The following IRX3 variants were observed in gnomAD, a reference collection of about 807,000 sequenced individuals.
The protein encoded by IRX3 is iroquois homeobox 3, also known as iroquois-class homeodomain protein IRX-3.
In IRX3, 20 loss-of-function variants were observed where a neutral mutation model predicts 36.4. The ratio of observed to expected loss-of-function variants is 0.55; its 90% confidence interval spans 0.39 to 0.80. The LOEUF (loss-of-function observed/expected upper bound fraction) is 0.80. Among genes scored for constraint, IRX3 ranks in the 30% least tolerant of loss-of-function variants. The pLI is 0.00. For missense variants in IRX3, 718 were observed against 733.2 expected (o/e 0.98, Z 0.24); for synonymous variants, 404 against 351.6 (o/e 1.15, Z -1.67).
chr16:54,284,560 C>T lies in IRX3; in HGVS notation c.1321G>A (p.Ala441Thr). ...APPHLLGLPG[A>T]AGHPAAAAAF... ...GCGGCGGCAGCCGGGTGGCCCGCGG[C>T]TCCGGGAAGTCCCAGCAGGTGCGGA... Residue 441 changes from alanine (A) to threonine (T), a missense_variant, in exon 2 of 4, where the codon GCC becomes ACC. Physicochemically the swap from Ala to Thr is moderately conservative, Grantham distance 58 (BLOSUM62 0). This residue lies in a region of IRX3 where 468 missense variants were observed against 462.1 expected (regional missense o/e 1.01). Transcript: ENST00000329734. The surrounding 1 kb of genome is among the most constrained non-coding windows in gnomAD (Gnocchi z 4.0). The T allele has an allele frequency of 2.1e-6, 3 of 1,416,984 alleles. No individual in the cohort carries two copies. The South Asian group carries it at 4.6e-5, about 22-fold the overall frequency. The allele number at this position is 1,416,984 out of a possible 1,614,324, so 87.8% of individuals were successfully genotyped here.
At position 54,284,771 on chromosome 16, in the gene IRX3, C is replaced by T. The variant is rs770113994; in HGVS notation, c.1110G>A (p.Gly370=). Residue 370 remains glycine, a synonymous_variant, in exon 2 of 4, where the codon GGG becomes GGA. Coordinates refer to ENST00000329734, the MANE Select transcript of IRX3 (RefSeq NM_024336.3). This position sits in a 1 kb window ranked among gnomAD's most constrained non-coding sequence, Gnocchi z 4.0. ...CGACCGCTGCCCCCGGTGGAGACCC[C>T]CCCGCGCCGGGAGGCGAGCGGCGCG... The part of the protein sequence containing the change: ...DNPRRSPPGA[G]GSPPGAAVAP... 1.2e-5 allele frequency: 18 copies of T among 1,462,618 alleles called. No homozygotes were observed. The highest frequency in any genetic ancestry group is 5.9e-5 in the African/African-American group (4 of 67,336). 90.6% of individuals were successfully genotyped at this position (1,462,618 alleles called of 1,614,324 possible). A position where few individuals can be genotyped will look rare whatever the true frequency, so the allele number is the denominator to read the frequency against.
rs1358913269 is a variant in IRX3 at position 54,284,927 on chromosome 16, G to A, written c.954C>T (p.Ala318=). ...GCGACGGCAGAGACGGCGAGGCCAC[G>A]GCCACTGGTGGTGGCGCTGGAGCCA... ...LSLAPAPPPV[A]VASPSLPSPP... The change falls in exon 2 of 4, where the codon GCC becomes GCT. Residue 318 remains alanine (A), a synonymous_variant. Transcript: ENST00000329734. The surrounding 1 kb of genome is among the most constrained non-coding windows in gnomAD (Gnocchi z 4.0). The A allele has an allele frequency of 3.1e-6, 5 of 1,598,250 alleles. No homozygotes were observed. The highest frequency in any genetic ancestry group is 1.7e-5 in the Admixed American group (1 of 57,486).
At position 54,284,522 on chromosome 16, in the gene IRX3, C is replaced by T. The variant is rs1302203870; in HGVS notation, c.1359G>A (p.Arg453=). ...GHPAAAAAFA[R]PAEPEGGTDR... is the part of the protein sequence containing the mutation. ...CTGTTCCGCCTTCGGGCTCCGCTGGCCGAGCGAAGGCGGCGGCGGCAGCCG... is the reference window on the plus strand; with the variant it reads ...CTGTTCCGCCTTCGGGCTCCGCTGGTCGAGCGAAGGCGGCGGCGGCAGCCG... The change falls in exon 2 of 4, where the codon CGG becomes CGA. Residue 453 remains arginine, a synonymous_variant. Transcript: ENST00000329734. The surrounding 1 kb of genome is among the most constrained non-coding windows in gnomAD (Gnocchi z 4.0). 1 of 1,412,968 alleles carries T rather than the reference C, an allele frequency of 7.1e-7. No homozygotes were observed. The highest frequency in any genetic ancestry group is 9.1e-7 in the Non-Finnish European group (1 of 1,094,418). The allele number at this position is 1,412,968 out of a possible 1,614,324, so 87.5% of individuals were successfully genotyped here.
rs1287501479 is a variant in IRX3, at chr16:54,283,597, A to C, written c.*89T>G. 1.5e-6 allele frequency: 1 copy of C among 674,418 alleles called. No homozygotes were observed. The highest frequency in any genetic ancestry group is 2.7e-6 in the Non-Finnish European group (1 of 375,690). 41.8% of individuals were successfully genotyped at this position (674,418 alleles called of 1,614,324 possible). On this transcript the variant is annotated 3_prime_UTR_variant, in exon 4 of 4. Transcript: ENST00000329734. The surrounding 1 kb of genome is among the most constrained non-coding windows in gnomAD (Gnocchi z 4.4). The stretch of plus-strand genomic sequence containing the variant: ...GGTATTTATACACGGACATGCTTAC[A>C]AGTTGTAACTATACAGAGCGATTTT...
At position 54,285,874 on chromosome 16, in the gene IRX3, C is replaced by A; in HGVS notation, c.177G>T (p.Ala59=). The part of the protein sequence containing the change: ...LSNVLSSVYG[A]PYAAAAAAAA... ...CGGCCGCAGCGGCCGCGGCGTAGGG[C>A]GCCCCGTACACGGACGAGAGCACGT... The change falls in exon 1 of 4, where the codon GCG becomes GCT. Residue 59 remains alanine (A), a synonymous_variant. Coordinates refer to ENST00000329734, the MANE Select transcript of IRX3 (RefSeq NM_024336.3). The surrounding 1 kb of genome is among the most constrained non-coding windows in gnomAD (Gnocchi z 5.7). The A allele has an allele frequency of 6.5e-7, 1 of 1,540,464 alleles. No homozygotes were observed. The highest frequency in any genetic ancestry group is 8.7e-7 in the Non-Finnish European group (1 of 1,144,828).
Position 54,284,030 on chromosome 16 carries a change from AC to A in IRX3, c.1451+215del, listed in dbSNP as rs1901245495. On this transcript the variant is annotated intron_variant, in intron 3 of 3. Coordinates refer to ENST00000329734, the MANE Select transcript of IRX3 (RefSeq NM_024336.3). The surrounding 1 kb of genome is among the most constrained non-coding windows in gnomAD (Gnocchi z 4.0). Reference sequence around the variant, plus strand: ...TTCCCCTAGAAGGTACAAGCGCTGTACCCTCCGGCCGCGCCTGGGGTGCCTG... The same window carrying A: ...TTCCCCTAGAAGGTACAAGCGCTGTACCTCCGGCCGCGCCTGGGGTGCCTG... The A allele has an allele frequency of 5.1e-6, 7 of 1,382,216 alleles. No individual in the cohort carries two copies. In the Admixed American group the frequency reaches 2.0e-4, roughly 40 times the overall value. 85.6% of individuals were successfully genotyped at this position (1,382,216 alleles called of 1,614,324 possible). A position where few individuals can be genotyped will look rare whatever the true frequency, so the allele number is the denominator to read the frequency against.
Position 54,285,256 on chromosome 16 carries a change from C to G in IRX3, c.625G>C (p.Glu209Gln). ...TDEEGNAYGSEREEEDEEEDE... is the reference protein window; with the variant it reads ...TDEEGNAYGSQREEEDEEEDE... Reference sequence around the variant, plus strand: ...TCCTCTTCGTCTTCCTCCTCGCGCTCGCTCCCATAAGCGTTTCCCTCCTCG... The same window carrying G: ...TCCTCTTCGTCTTCCTCCTCGCGCTGGCTCCCATAAGCGTTTCCCTCCTCG... The change falls in exon 2 of 4, where the codon GAG becomes CAG. Residue 209 changes from glutamate (E) to glutamine (Q), a missense_variant. This residue lies in a region of IRX3 where 468 missense variants were observed against 462.1 expected (regional missense o/e 1.01). Transcript: ENST00000329734. The surrounding 1 kb of genome is among the most constrained non-coding windows in gnomAD (Gnocchi z 5.7). 6.2e-7 allele frequency: 1 copy of G among 1,613,822 alleles called. No individual in the cohort carries two copies. The highest frequency in any genetic ancestry group is 8.5e-7 in the Non-Finnish European group (1 of 1,179,936).
chr16:54,286,170 C>A lies in IRX3; in HGVS notation c.-120G>T, dbSNP rs1179477528. Reference sequence around the variant, plus strand: ...CCGGGCTTGGGGCCGCGCTGCCGCCCGCGCTGCGCTGTGCTCCGCGTTCGC... The same window carrying A: ...CCGGGCTTGGGGCCGCGCTGCCGCCAGCGCTGCGCTGTGCTCCGCGTTCGC... On this transcript the variant is annotated 5_prime_UTR_variant, in exon 1 of 4. Transcript: ENST00000329734. The A allele has an allele frequency of 9.5e-7, 1 of 1,053,022 alleles. No individual in the cohort carries two copies. Among genetic ancestry groups the A allele is most frequent in the South Asian group, 4.5e-5 (1 of 22,436 alleles). The allele number at this position is 1,053,022 out of a possible 1,614,324, so 65.2% of individuals were successfully genotyped here.
Position 54,286,146 on chromosome 16 carries a change from C to G in IRX3, c.-96G>C, listed in dbSNP as rs1901334808. On this transcript the variant is annotated 5_prime_UTR_variant, in exon 1 of 4. Coordinates refer to ENST00000329734, the MANE Select transcript of IRX3 (RefSeq NM_024336.3). ...CTCCGGCGCGCATCGGGGGCTGGGC[C>G]GGGCTTGGGGCCGCGCTGCCGCCCG... is the stretch of plus-strand genomic sequence containing the variant. The G allele has an allele frequency of 2.7e-6, 3 of 1,119,674 alleles. No individual in the cohort carries two copies. Among genetic ancestry groups the G allele is most frequent in the East Asian group, 5.4e-5 (1 of 18,574 alleles). 69.4% of individuals were successfully genotyped at this position (1,119,674 alleles called of 1,614,324 possible).
Position 54,284,899 on chromosome 16 carries a change from G to A in IRX3, c.982C>T (p.Pro328Ser). The A allele has an allele frequency of 6.3e-7, 1 of 1,576,504 alleles. No individual in the cohort carries two copies. Among genetic ancestry groups the A allele is most frequent in the Non-Finnish European group, 8.6e-7 (1 of 1,162,138 alleles). Residue 328 changes from proline (P) to serine (S), a missense_variant, in exon 2 of 4, where the codon CCC becomes TCC. Physicochemically the swap from Pro to Ser is moderately conservative, Grantham distance 74. Transcript: ENST00000329734. The surrounding 1 kb of genome is among the most constrained non-coding windows in gnomAD (Gnocchi z 4.0). ...GGAGCGCAGGGGTCCAGGCTCACGGGGGGCGACGGCAGAGACGGCGAGGCC... is the reference window on the plus strand; with the variant it reads ...GGAGCGCAGGGGTCCAGGCTCACGGAGGGCGACGGCAGAGACGGCGAGGCC... ...AVASPSLPSPPVSLDPCAPAP... is the reference protein window; with the variant it reads ...AVASPSLPSPSVSLDPCAPAP...
rs1180595468 is a variant in IRX3, at chr16:54,285,280, C to A, written c.601G>T (p.Glu201Ter). The A allele has an allele frequency of 6.2e-7, 1 of 1,614,098 alleles. No individual in the cohort carries two copies. Among genetic ancestry groups the A allele is most frequent in the Non-Finnish European group, 8.5e-7 (1 of 1,180,032 alleles). Residue 201 changes from glutamate (E) to a stop codon, truncating the protein, a stop_gained, in exon 2 of 4, where the codon GAG (glutamate) becomes TAG (stop). Transcript: ENST00000329734. LOFTEE classifies it high-confidence loss of function. This position sits in a 1 kb window ranked among gnomAD's most constrained non-coding sequence, Gnocchi z 5.7. ...TCGCTCCCATAAGCGTTTCCCTCCT[C>A]GTCAGTGCGGCTGCGAGGCGCCCAA... Reference protein sequence around the residue: ...MTWAPRSRTDEEGNAYGSERE... With the variant: ...MTWAPRSRTD
In IRX3 at chr16:54,284,567, A is replaced by T; in HGVS notation, c.1314T>A (p.Leu438=). The change falls in exon 2 of 4, where the codon CTT becomes CTA. Residue 438 remains leucine, a synonymous_variant. Transcript: ENST00000329734. This position sits in a 1 kb window ranked among gnomAD's most constrained non-coding sequence, Gnocchi z 4.0. The part of the protein sequence containing the change: ...LGSAPPHLLG[L]PGAAGHPAAA... ...CAGCCGGGTGGCCCGCGGCTCCGGG[A>T]AGTCCCAGCAGGTGCGGAGGGGCAG... The T allele has an allele frequency of 7.1e-7, 1 of 1,411,860 alleles. No individual in the cohort carries two copies. Among genetic ancestry groups the T allele is most frequent in the Non-Finnish European group, 9.1e-7 (1 of 1,094,988 alleles). The allele number at this position is 1,411,860 out of a possible 1,614,324, so 87.5% of individuals were successfully genotyped here. A position where few individuals can be genotyped will look rare whatever the true frequency, so the allele number is the denominator to read the frequency against.
In IRX3 at chr16:54,285,990, C is replaced by T. The variant is rs1428129484; in HGVS notation, c.61G>A (p.Gly21Arg). The T allele has an allele frequency of 2.3e-5, 31 of 1,359,382 alleles. No individual in the cohort carries two copies. In the African/African-American group the frequency reaches 4.6e-4, roughly 20 times the overall value. 84.2% of individuals were successfully genotyped at this position (1,359,382 alleles called of 1,614,324 possible). The change falls in exon 1 of 4, where the codon GGG (glycine) becomes AGG (arginine). Residue 21 changes from glycine to arginine, a missense_variant. Physicochemically the swap from Gly to Arg is moderately radical, Grantham distance 125. This residue lies in a region of IRX3 where 204 missense variants were observed against 181.4 expected (regional missense o/e 1.12). Transcript: ENST00000329734. This position sits in a 1 kb window ranked among gnomAD's most constrained non-coding sequence, Gnocchi z 5.7. The part of the protein sequence containing the change: ...IRPLYPSERP[G>R]AAGGSGGSAG... ...CTGCCGCCGCTGCCGCCAGCGGCCCCCGGGCGCTCGGACGGGTAAAGCGGG... is the reference window on the plus strand; with the variant it reads ...CTGCCGCCGCTGCCGCCAGCGGCCCTCGGGCGCTCGGACGGGTAAAGCGGG...
rs374531244 is a variant in IRX3 at position 54,283,698 on chromosome 16, G to C, written c.1494C>G (p.Leu498=). Residue 498 remains leucine (L), a synonymous_variant, in exon 4 of 4, where the codon CTC becomes CTG. Coordinates refer to ENST00000329734, the MANE Select transcript of IRX3 (RefSeq NM_024336.3). This position sits in a 1 kb window ranked among gnomAD's most constrained non-coding sequence, Gnocchi z 4.4. The part of the protein sequence containing the change: ...HLDAALVLSA[L]SSS Reference sequence around the variant, plus strand: ...TTTTTTTAAAGAACTAGGATGAGGAGAGAGCCGATAAGACCAGGGCGGCGT... The same window carrying C: ...TTTTTTTAAAGAACTAGGATGAGGACAGAGCCGATAAGACCAGGGCGGCGT... 2.2e-6 allele frequency: 3 copies of C among 1,347,218 alleles called. No homozygotes were observed. The highest frequency in any genetic ancestry group is 2.1e-6 in the Non-Finnish European group (2 of 936,592). 83.5% of individuals were successfully genotyped at this position (1,347,218 alleles called of 1,614,324 possible).
At position 54,285,592 on chromosome 16, in the gene IRX3, C is replaced by G; in HGVS notation, c.289G>C (p.Asp97His). ...GCCGGATGCTGCACCCCGGGGCTGT[C>G]CTTCAGCTCATACTGCGCGCCCTGT... The part of the protein sequence containing the change: ...PQLGAQYELK[D>H]SPGVQHPAAA... Residue 97 changes from aspartate to histidine, a missense_variant, in exon 2 of 4, where the codon GAC becomes CAC. This residue lies in a region of IRX3 where 204 missense variants were observed against 181.4 expected (regional missense o/e 1.12). Coordinates refer to ENST00000329734, the MANE Select transcript of IRX3 (RefSeq NM_024336.3). This position sits in a 1 kb window ranked among gnomAD's most constrained non-coding sequence, Gnocchi z 5.7. 1 of 1,552,284 alleles carries G rather than the reference C, an allele frequency of 6.4e-7. No homozygotes were observed. Among genetic ancestry groups the G allele is most frequent in the Non-Finnish European group, 8.7e-7 (1 of 1,148,600 alleles).
At position 54,284,160 on chromosome 16, in the gene IRX3, G is replaced by T. The variant is rs1901250483; in HGVS notation, c.1451+86C>A. On this transcript the variant is annotated intron_variant, in intron 3 of 3. Transcript: ENST00000329734. This position sits in a 1 kb window ranked among gnomAD's most constrained non-coding sequence, Gnocchi z 4.0. ...CCCAGCAGGGTTCCCCCCTACCCCG[G>T]GGCAAAAGGCCGTGCGTGGTGCTCG... 11 of 1,370,468 alleles carry T rather than the reference G, an allele frequency of 8.0e-6. No homozygotes were observed. The highest frequency in any genetic ancestry group is 1.5e-5 in the African/African-American group (1 of 68,432). The allele number at this position is 1,370,468 out of a possible 1,614,324, so 84.9% of individuals were successfully genotyped here.
In IRX3 at chr16:54,285,871, G is replaced by A. The variant is rs1200962270; in HGVS notation, c.180C>T (p.Pro60=). Residue 60 remains proline (P), a synonymous_variant, in exon 1 of 4, where the codon CCC becomes CCT. Transcript: ENST00000329734. The surrounding 1 kb of genome is among the most constrained non-coding windows in gnomAD (Gnocchi z 5.7). The part of the protein sequence containing the change: ...SNVLSSVYGA[P]YAAAAAAAAA... ...CGGCGGCCGCAGCGGCCGCGGCGTA[G>A]GGCGCCCCGTACACGGACGAGAGCA... 1.3e-6 allele frequency: 2 copies of A among 1,541,594 alleles called. No individual in the cohort carries two copies. Among genetic ancestry groups the A allele is most frequent in the East Asian group, 2.5e-5 (1 of 40,188 alleles).
rs1475372220 is a variant in IRX3, at chr16:54,284,583, G to A, written c.1298C>T (p.Pro433Leu). Residue 433 changes from proline (P) to leucine (L), a missense_variant, in exon 2 of 4, where the codon CCG (proline) becomes CTG (leucine). By Grantham distance (98) the Pro-to-Leu change is moderately conservative. Transcript: ENST00000329734. This position sits in a 1 kb window ranked among gnomAD's most constrained non-coding sequence, Gnocchi z 4.0. ...GGCTCCGGGAAGTCCCAGCAGGTGC[G>A]GAGGGGCAGAGCCCAGCAGGGAGAG... ...HPLSLLGSAPPHLLGLPGAAG... is the reference protein window; with the variant it reads ...HPLSLLGSAPLHLLGLPGAAG... 7.1e-7 allele frequency: 1 copy of A among 1,400,418 alleles called. No homozygotes were observed. Among genetic ancestry groups the A allele is most frequent in the East Asian group, 3.0e-5 (1 of 33,032 alleles). 86.7% of individuals were successfully genotyped at this position (1,400,418 alleles called of 1,614,324 possible).
rs1329596567 is a variant in IRX3 at position 54,285,605 on chromosome 16, C to G, written c.276G>C (p.Gln92His). Reference protein sequence around the residue: ...ELPIFPQLGAQYELKDSPGVQ... With the variant: ...ELPIFPQLGAHYELKDSPGVQ... ...CCCCGGGGCTGTCCTTCAGCTCATACTGCGCGCCCTGTACGCACATGGAGA... is the reference window on the plus strand; with the variant it reads ...CCCCGGGGCTGTCCTTCAGCTCATAGTGCGCGCCCTGTACGCACATGGAGA... Residue 92 changes from glutamine to histidine, a missense_variant, in exon 2 of 4, where the codon CAG becomes CAC. Coordinates refer to ENST00000329734, the MANE Select transcript of IRX3 (RefSeq NM_024336.3). The surrounding 1 kb of genome is among the most constrained non-coding windows in gnomAD (Gnocchi z 5.7). The G allele has an allele frequency of 6.6e-7, 1 of 1,525,900 alleles. No homozygotes were observed. Among genetic ancestry groups the G allele is most frequent in the East Asian group, 2.4e-5 (1 of 41,610 alleles). The allele number at this position is 1,525,900 out of a possible 1,614,324, so 94.5% of individuals were successfully genotyped here.
Sources: allele counts gnomAD v4.1 joint callset, GRCh38; gene constraint gnomAD v4.1.1; regional missense constraint gnomAD v4.1.1; non-coding constraint Gnocchi (gnomAD v3.1); transcripts MANE v1.5; gene names NCBI Gene and HGNC (gene_info 2026-07-23, HGNC 2026-07-21).